MCPH1: variants seen among roughly 807,000 people sequenced by gnomAD.
The protein encoded by MCPH1 is microcephalin.
In MCPH1, 104 loss-of-function variants were observed where a neutral mutation model predicts 84.5. That is an observed-to-expected ratio of 1.23 (90% confidence interval 1.05 to 1.45). MCPH1 has a LOEUF of 1.45. Ranked by LOEUF, MCPH1 falls within the 40% of genes most tolerant of loss-of-function variation. The probability of loss-of-function intolerance (pLI) is 0.00; values close to 1 mark genes in which losing one functional copy is unlikely to be tolerated. For synonymous variants in MCPH1, 514 were observed against 366.8 expected (o/e 1.40, Z -4.58); for missense variants, 1,498 against 1,005.7 (o/e 1.49, Z -6.62).
At chr8:6,522,204 A>C (rs1586333312) in intron 12 of MCPH1, among the ~76,000 whole-genome samples, 1 of 151,902 alleles carries the variant, frequency 6.6e-6, no homozygotes, top group Admixed American at 6.6e-5. Context: ...AAATACAAAA[A>C]ATTCTCCAGG....
intron 3 of MCPH1, among the ~76,000 whole-genome samples, chr8:6,419,549 C>T (rs1799858251): frequency 7.5e-6 from 1 of 133,078 alleles, no homozygotes; most frequent in African/African-American, 2.7e-5. Flanking sequence ...CCCACCACCA[C>T]ACCTGGCTAA....
chr8:6,621,084 T>A (rs570726795), intron 12 of MCPH1: 2 of 343,196 alleles, frequency 5.8e-6, no homozygotes, highest in South Asian at 5.0e-5. Context: ...TGCATTAGAA[T>A]CTTGCCGTCA....
At chr8:6,480,494 C>A (rs537519189) in intron 10 of MCPH1, among the ~76,000 whole-genome samples, 14 of 152,308 alleles carry the variant, frequency 9.2e-5, no homozygotes, top group African/African-American at 2.9e-4. Flanking sequence ...AGCCTGTGGG[C>A]TTGTCTTCTC....
chr8:6,642,689 C>A, intron 13 of MCPH1: 1 of 457,734 alleles, frequency 2.2e-6, no homozygotes. Context: ...GACTGGCAAG[C>A]TTCCCACCCT....
intron 2 of MCPH1, among the ~76,000 whole-genome samples, chr8:6,410,698 A>G (rs919846994): frequency 6.6e-6 from 1 of 152,194 alleles, no homozygotes; most frequent in African/African-American, 2.4e-5. Context: ...GCAGAAGAGT[A>G]CTCACATCTT....
chr8:6,495,023 A>T (rs943649878), intron 11 of MCPH1, among the ~76,000 whole-genome samples: 1 of 152,230 alleles, frequency 6.6e-6, no homozygotes, highest in Non-Finnish European at 1.5e-5. Context: ...TCTTGATGTT[A>T]TGAGATGTGT....
At chr8:6,444,371 G>A in intron 7 of MCPH1, 22 bp from the exon 8 acceptor site, 1 of 1,613,758 alleles carries the variant, frequency 6.2e-7, no homozygotes, top group Non-Finnish European at 8.5e-7. Flanking sequence ...TTAAAAGTTA[G>A]CTCTCCGTTA....
chr8:6,463,548 C>G (rs766531653), intron 9 of MCPH1, among the ~76,000 whole-genome samples: 5 of 151,952 alleles, frequency 3.3e-5, no homozygotes, highest in Non-Finnish European at 7.4e-5. Flanking sequence ...AGGAGCCTTG[C>G]AGTGGAAAGA....
intron 13 of MCPH1, among the ~76,000 whole-genome samples, chr8:6,638,057 G>A (rs934618407): frequency 4.6e-5 from 7 of 151,956 alleles, no homozygotes; most frequent in African/African-American, 1.7e-4. Context: ...TCAGTCTGCA[G>A]AAGCAGTGCC....
chr8:6,532,668 G>C (rs1211360237), intron 12 of MCPH1, among the ~76,000 whole-genome samples: 1 of 151,590 alleles, frequency 6.6e-6, no homozygotes, highest in Non-Finnish European at 1.5e-5. Context: ...AATACAGTGT[G>C]ATTTTATTTT....
At chr8:6,410,542 G>A (rs1392828795) in intron 2 of MCPH1, among the ~76,000 whole-genome samples, 1 of 152,158 alleles carries the variant, frequency 6.6e-6, no homozygotes, top group African/African-American at 2.4e-5. Flanking sequence ...ATCACGTACT[G>A]CTTGTGTTCA....
intron 12 of MCPH1, among the ~76,000 whole-genome samples, chr8:6,532,681 T>C (rs1249019648): frequency 1.3e-5 from 2 of 152,206 alleles, no homozygotes; most frequent in African/African-American, 2.4e-5. Context: ...TTTATTTTTA[T>C]GCAAAATCTG....
chr8:6,419,177 ACACACACACACGC>A (rs760141580), intron 3 of MCPH1, among the ~76,000 whole-genome samples: 33,932 of 107,214 alleles, frequency 0.32, 4,995 homozygotes, highest in Non-Finnish European at 0.42. Flanking sequence ...ACACACACAC[ACACACACACACGC>A]ATTTTTACCC....
chr8:6,562,924 A>G (rs1373363316), intron 12 of MCPH1: 6 of 1,588,028 alleles, frequency 3.8e-6, no homozygotes, highest in Non-Finnish European at 5.2e-6. Flanking sequence ...AAAGAAAACA[A>G]TCTGCCACAT....
intron 12 of MCPH1, chr8:6,562,755 G>A (rs151182018): frequency 8.1e-6 from 13 of 1,613,794 alleles, no homozygotes; most frequent in African/African-American, 5.3e-5. Context: ...CATTGGACAC[G>A]TAGGGGCTGG....
At chr8:6,642,860 T>A in intron 13 of MCPH1, 134 bp from the exon 14 acceptor site, 1 of 772,216 alleles carries the variant, frequency 1.3e-6, no homozygotes, top group Non-Finnish European at 2.2e-6. Flanking sequence ...TCTATGGACG[T>A]GGGGGGGCCT....
At chr8:6,529,175 C>A (rs1256267122) in intron 12 of MCPH1, among the ~76,000 whole-genome samples, 1 of 152,202 alleles carries the variant, frequency 6.6e-6, no homozygotes, top group Non-Finnish European at 1.5e-5. Context: ...ACCGCTGGAC[C>A]AGCCTGAAGG....
chr8:6,545,458 G>C (rs1822414053), intron 12 of MCPH1, among the ~76,000 whole-genome samples: 2 of 152,192 alleles, frequency 1.3e-5, no homozygotes, highest in African/African-American at 4.8e-5. Context: ...ATTTGTCTCT[G>C]CAGTTTTCAT....
At chr8:6,504,960 C>A (rs2515407) in intron 12 of MCPH1, among the ~76,000 whole-genome samples, 64,051 of 151,314 alleles carry the variant, frequency 0.42, 14,014 homozygotes, top group Middle Eastern at 0.52. Context: ...TAAATCTCAA[C>A]AACACTGTGT....
Sources: allele counts gnomAD v4.1 joint callset (sites outside exome capture counted in the v4.1 genomes callset), GRCh38; gene constraint gnomAD v4.1.1; transcripts MANE v1.5; gene names NCBI Gene and HGNC (gene_info 2026-07-23, HGNC 2026-07-21).